ADCY5: variants seen among roughly 807,000 people sequenced by gnomAD.
The protein encoded by ADCY5 is adenylate cyclase 5.
ADCY5 carries 30 observed loss-of-function variants against 119.7 expected under a neutral mutation model. The ratio of observed to expected loss-of-function variants is 0.25; its 90% CI spans 0.19 to 0.34. ADCY5 has a LOEUF of 0.34. Ranked by LOEUF, ADCY5 falls within the 10% of genes least tolerant of loss-of-function variation. ADCY5 has a pLI of 1.00. For missense variants in ADCY5, 1,324 were observed against 1,775.2 expected (o/e 0.75, Z 4.57); for synonymous variants, 753 against 762.2 (o/e 0.99, Z 0.20).
At chr3:123,437,997 G>A (rs931507282) in intron 1 of ADCY5, among the ~76,000 whole-genome samples, 2 of 152,146 alleles carry the variant, frequency 1.3e-5, no homozygotes, top group African/African-American at 4.8e-5. Flanking sequence ...AAAGCAGGCA[G>A]CAGGCTGATG....
At chr3:123,432,802 T>C (rs1185034056) in intron 1 of ADCY5, among the ~76,000 whole-genome samples, 2 of 152,158 alleles carry the variant, frequency 1.3e-5, no homozygotes, top group Non-Finnish European at 2.9e-5. Context: ...GCTGGGATTA[T>C]AGGTGTGAGC....
intron 11 of ADCY5, 72 bp from the exon 12 acceptor site, chr3:123,314,394 T>A: frequency 7.9e-7 from 1 of 1,259,658 alleles, no homozygotes; most frequent in Non-Finnish European, 1.1e-6. Flanking sequence ...GGGACCTGCC[T>A]GGCAAGCAGG....
At chr3:123,330,662 A>G (rs201505161) in intron 5 of ADCY5, among the ~76,000 whole-genome samples, 2 of 152,050 alleles carry the variant, frequency 1.3e-5, no homozygotes, top group African/African-American at 2.4e-5. Context: ...CCTCCCACAC[A>G]CTTCCTCTGG....
rs936700898 is a variant in ADCY5 at position 123,352,447 on chromosome 3, C to T, written c.1269G>A (p.Arg423=). 1.2e-6 allele frequency: 2 copies of T among 1,612,852 alleles called. No homozygotes were observed. The highest frequency in any genetic ancestry group is 1.7e-6 in the Non-Finnish European group (2 of 1,179,806). The change falls in exon 2 of 21, where the codon CGG becomes CGA. Residue 423 remains arginine, a synonymous_variant. Transcript: ENST00000462833. The surrounding 1 kb of genome is among the most constrained non-coding windows in gnomAD (Gnocchi z 4.8). ...CCTCACTCACCTGCTGCTGGTTCTCCCGCTGCGAGTGGAGCCGCGCCTGGA... is the reference window on the plus strand; with the variant it reads ...CCTCACTCACCTGCTGCTGGTTCTCTCGCTGCGAGTGGAGCCGCGCCTGGA... ...ECIQARLHSQ[R]ENQQQERLLL...
chr3:123,344,362 G>C (rs1307843993), intron 3 of ADCY5, among the ~76,000 whole-genome samples: 1 of 152,158 alleles, frequency 6.6e-6, no homozygotes, highest in East Asian at 1.9e-4. Context: ...GTTGATATGA[G>C]TGTGATCATA....
At chr3:123,414,726 T>G (rs1005746928) in intron 1 of ADCY5, among the ~76,000 whole-genome samples, 6 of 152,080 alleles carry the variant, frequency 3.9e-5, no homozygotes, top group Non-Finnish European at 8.8e-5. Flanking sequence ...CCGGCTAATT[T>G]TTGTATTTTT....
chr3:123,417,456 C>T (rs1272476673), intron 1 of ADCY5, among the ~76,000 whole-genome samples: 2 of 152,274 alleles, frequency 1.3e-5, no homozygotes, highest in Non-Finnish European at 2.9e-5. Flanking sequence ...ACCTTAAGCC[C>T]TTGCCCCCAG....
At chr3:123,370,072 G>A (rs769661239) in intron 1 of ADCY5, among the ~76,000 whole-genome samples, 5 of 152,142 alleles carry the variant, frequency 3.3e-5, no homozygotes, top group Non-Finnish European at 7.4e-5. Context: ...ATGACCTAAT[G>A]CCAAAGGGTG....
At position 123,403,589 on chromosome 3, in the gene ADCY5, C is replaced by G. The variant is rs535069864; in HGVS notation, c.1134+43823G>C. ...CATTGTTGAGTGAACAAGTGAGGTGCGCAATCAGTCCCTGGGTCCATCCCT... is the reference window on the plus strand; with the variant it reads ...CATTGTTGAGTGAACAAGTGAGGTGGGCAATCAGTCCCTGGGTCCATCCCT... On this transcript the variant is annotated intron_variant, in intron 1 of 20. Transcript: ENST00000462833. 3.3e-5 allele frequency among the ~76,000 whole-genome samples: 5 copies of G among 152,092 alleles called. No homozygotes were observed. The South Asian group carries it at 1.0e-3, about 32-fold the overall frequency.
chr3:123,430,409 C>T (rs1032351188), intron 1 of ADCY5, among the ~76,000 whole-genome samples: 8 of 152,144 alleles, frequency 5.3e-5, no homozygotes, highest in African/African-American at 1.7e-4. Context: ...AGGCTGACAC[C>T]ACTTCAGGCC....
rs1263233569 is a variant in ADCY5, at chr3:123,327,775, G to A, written c.1806-16C>T. The A allele has an allele frequency of 6.2e-7, 1 of 1,613,548 alleles. No homozygotes were observed. ...GTGGATGCGTCTACAGGGGGGCAGG[G>A]ATCAGGGTGGAGAGGGCAGAAAACT... On this transcript the variant is annotated splice_polypyrimidine_tract_variant and intron_variant, in intron 6 of 20. Transcript: ENST00000462833.
chr3:123,294,034 T>C (rs1250498958), intron 17 of ADCY5, among the ~76,000 whole-genome samples: 2 of 152,206 alleles, frequency 1.3e-5, no homozygotes, highest in Middle Eastern at 3.2e-3. Context: ...AGACGCCAAC[T>C]TGAAATGCAC....
chr3:123,419,770 A>G (rs1945263091), intron 1 of ADCY5, among the ~76,000 whole-genome samples: 1 of 151,944 alleles, frequency 6.6e-6, no homozygotes, highest in African/African-American at 2.4e-5. Context: ...GACCTCCTTC[A>G]TGAAACCTTC....
chr3:123,386,844 A>C (rs2107575108), intron 1 of ADCY5, among the ~76,000 whole-genome samples: 1 of 152,224 alleles, frequency 6.6e-6, no homozygotes, highest in African/African-American at 2.4e-5. Flanking sequence ...TCTTCTCATC[A>C]TAATGCAAAT....
chr3:123,347,728 A>G, intron 3 of ADCY5, 54 bp downstream of exon 3: 1 of 1,607,718 alleles, frequency 6.2e-7, no homozygotes, highest in Non-Finnish European at 8.5e-7. Context: ...GGATGTCTCC[A>G]CAGGGGTCCA....
chr3:123,414,001 C>T (rs1945126479), intron 1 of ADCY5, among the ~76,000 whole-genome samples: 1 of 152,106 alleles, frequency 6.6e-6, no homozygotes, highest in Non-Finnish European at 1.5e-5. Flanking sequence ...TGTGAAGTTC[C>T]CTGCCAGCCC....
intron 15 of ADCY5, among the ~76,000 whole-genome samples, chr3:123,299,495 G>T (rs4621278): frequency 6.6e-6 from 1 of 152,088 alleles, no homozygotes; most frequent in Non-Finnish European, 1.5e-5. Flanking sequence ...TTCCCCTCAT[G>T]GAGCCACCTC....
intron 3 of ADCY5, among the ~76,000 whole-genome samples, chr3:123,334,293 C>T (rs779227863): frequency 2.6e-5 from 4 of 152,156 alleles, no homozygotes; most frequent in African/African-American, 9.7e-5. Flanking sequence ...CCAGAGACAG[C>T]GGCGTGGCAG....
At chr3:123,354,902 A>T (rs1942983089) in intron 1 of ADCY5, among the ~76,000 whole-genome samples, 1 of 152,256 alleles carries the variant, frequency 6.6e-6, no homozygotes, top group African/African-American at 2.4e-5. Context: ...AAAATGCAAC[A>T]TACATTAATA....
Sources: allele counts gnomAD v4.1 joint callset (sites outside exome capture counted in the v4.1 genomes callset), GRCh38; gene constraint gnomAD v4.1.1; non-coding constraint Gnocchi (gnomAD v3.1); transcripts MANE v1.5; gene names NCBI Gene and HGNC (gene_info 2026-07-23, HGNC 2026-07-21).